RNF144A: variants seen among roughly 807,000 people sequenced by gnomAD.
RNF144A encodes the protein ring finger protein 144A.
RNF144A carries 11 observed loss-of-function variants against 38.7 expected under a neutral mutation model. That is an observed-to-expected ratio of 0.28 (90% CI 0.18 to 0.47). RNF144A has a LOEUF of 0.47. RNF144A is among the 20% of genes least tolerant of loss of function. The pLI, the probability that RNF144A is intolerant of heterozygous loss-of-function variation, is 0.99. For synonymous variants in RNF144A, 149 were observed against 143.9 expected, an observed-to-expected ratio of 1.04 and a Z score of -0.25; for missense variants, 316 against 377.2, an observed-to-expected ratio of 0.84 and a Z score of 1.34.
intron 6 of RNF144A, among the ~76,000 whole-genome samples, chr2:7,058,369 A>G (rs1222410442): frequency 6.6e-6 from 1 of 151,946 alleles, no homozygotes; most frequent in African/African-American, 2.4e-5. Flanking sequence ...AATTATCAGA[A>G]TGTTTTTAGC....
chr2:7,054,824 G>C (rs560784684), intron 6 of RNF144A, among the ~76,000 whole-genome samples: 1 of 152,220 alleles, frequency 6.6e-6, no homozygotes, highest in Non-Finnish European at 1.5e-5. Flanking sequence ...CCCAGTCTAA[G>C]GTATTTTGTT....
intron 3 of RNF144A, among the ~76,000 whole-genome samples, chr2:7,006,090 C>G (rs1302431183): frequency 6.6e-6 from 1 of 151,424 alleles, no homozygotes; most frequent in Non-Finnish European, 1.5e-5. Context: ...ATGCTCTGTC[C>G]CAGTCTAAAG....
At chr2:6,926,183 G>A (rs947473900) in intron 1 of RNF144A, among the ~76,000 whole-genome samples, 5 of 152,178 alleles carry the variant, frequency 3.3e-5, no homozygotes, top group Non-Finnish European at 4.4e-5. Flanking sequence ...CCACAGCTGC[G>A]CCACATCTGT....
rs1156631338 is a variant in RNF144A, at chr2:7,010,973, T to C, written c.136-3481T>C. 2.0e-5 allele frequency among the ~76,000 whole-genome samples: 3 copies of C among 152,126 alleles called. No individual in the cohort carries two copies. In the East Asian group the frequency reaches 5.8e-4, roughly 29 times the overall value. On this transcript the variant is annotated intron_variant, in intron 3 of 8. Coordinates refer to ENST00000320892, the MANE Select transcript of RNF144A (RefSeq NM_014746.6). ...CATTTGCAGCATTGCAAATGGATCA[T>C]TGCATTTGCAGCAGCATGAACATGA...
chr2:7,040,047 CTG>C lies in RNF144A; in HGVS notation c.*290_*291del, dbSNP rs760026622. 7 of 1,133,184 alleles carry C rather than the reference CTG, an allele frequency of 6.2e-6. No individual in the cohort carries two copies. The highest frequency in any genetic ancestry group is 7.6e-6 in the Non-Finnish European group (7 of 921,904). 70.2% of individuals were successfully genotyped at this position (1,133,184 alleles called of 1,614,324 possible). Reference sequence around the variant, plus strand: ...AGAAGTGCACCAGGCAGCTTTCTCTCTGTGGTAGACTAGGCATGTCTGGGGAT... The same window carrying C: ...AGAAGTGCACCAGGCAGCTTTCTCTCTGGTAGACTAGGCATGTCTGGGGAT... On this transcript the variant is annotated 3_prime_UTR_variant, in exon 9 of 9. Transcript: ENST00000320892.
At position 6,988,093 on chromosome 2, in the gene RNF144A, A is replaced by G. The variant is rs771263380; in HGVS notation, c.-11-8823A>G. 4.3e-4 allele frequency among the ~76,000 whole-genome samples: 65 copies of G among 152,220 alleles called. 1 individual carries two copies. Among genetic ancestry groups the G allele is most frequent in the Non-Finnish European group, 2.6e-4 (18 of 68,038 alleles). On this transcript the variant is annotated intron_variant, in intron 2 of 8. Transcript: ENST00000320892. ...TCGTGTCAAAGTGTTTCGTTTAAAA[A>G]TAAACTTTTATTTTAGGGCAGTTTA...
rs1666845391 is a variant in RNF144A, at chr2:6,954,038, TG to T, written c.-12+12893del. Among the ~76,000 whole-genome samples, 2 of 152,144 alleles carry T rather than the reference TG, an allele frequency of 1.3e-5. 1 individual carries two copies. The highest frequency in any genetic ancestry group is 4.1e-4 in the South Asian group (2 of 4,834). On this transcript the variant is annotated intron_variant, in intron 2 of 8. Transcript: ENST00000320892. Reference sequence around the variant, plus strand: ...GCCTGTTTTGTCGATAGCTTTCTTTTGGTTGGCATTTTTCTTGATCACTTTT... The same window carrying T: ...GCCTGTTTTGTCGATAGCTTTCTTTTGTTGGCATTTTTCTTGATCACTTTT...
chr2:6,939,098 C>G (rs1366820716), intron 1 of RNF144A, among the ~76,000 whole-genome samples: 1 of 152,036 alleles, frequency 6.6e-6, no homozygotes, highest in Non-Finnish European at 1.5e-5. Context: ...GGGTGTTTAC[C>G]TAGGTGTGGA....
At chr2:7,061,495 C>T (rs1361083465) in intron 6 of RNF144A, among the ~76,000 whole-genome samples, 2 of 151,870 alleles carry the variant, frequency 1.3e-5, no homozygotes, top group Non-Finnish European at 2.9e-5. Flanking sequence ...TTTTTAATTC[C>T]AAGATGAGCA....
At chr2:6,925,992 G>A (rs1276629112) in intron 1 of RNF144A, among the ~76,000 whole-genome samples, 7 of 152,208 alleles carry the variant, frequency 4.6e-5, no homozygotes, top group Admixed American at 2.0e-4. Context: ...CAGCAACATA[G>A]CACTTACTAA....
In RNF144A at chr2:7,042,898, G is replaced by A. The variant is rs1673133166; in HGVS notation, c.*3138G>A. The A allele has an allele frequency of 1.0e-6, 1 of 970,436 alleles. No homozygotes were observed. The highest frequency in any genetic ancestry group is 1.2e-6 in the Non-Finnish European group (1 of 816,682). The allele number at this position is 970,436 out of a possible 1,614,324, so 60.1% of individuals were successfully genotyped here. A position where few individuals can be genotyped will look rare whatever the true frequency, so the allele number is the denominator to read the frequency against. On this transcript the variant is annotated 3_prime_UTR_variant, in exon 9 of 9. Coordinates refer to ENST00000320892, the MANE Select transcript of RNF144A (RefSeq NM_014746.6). Reference sequence around the variant, plus strand: ...TTTTTTCTTTTTGAGACGGAGTTTCGCTTTTGTCCCCCAAGCTGGAGTACA... The same window carrying A: ...TTTTTTCTTTTTGAGACGGAGTTTCACTTTTGTCCCCCAAGCTGGAGTACA...
At chr2:7,069,000 C>T (rs1674349654), downstream of RNF144A, among the ~76,000 whole-genome samples, 1 of 152,212 alleles carries the variant, frequency 6.6e-6, no homozygotes, top group Admixed American at 6.5e-5. Flanking sequence ...TAGCTTTTGT[C>T]TGTGTTTCAC....
At chr2:6,977,631 C>G (rs1553336496) in intron 2 of RNF144A, among the ~76,000 whole-genome samples, 1 of 152,172 alleles carries the variant, frequency 6.6e-6, no homozygotes, top group Non-Finnish European at 1.5e-5. Flanking sequence ...AGCGGTAAAC[C>G]TTTTATTGCT....
Position 7,043,336 on chromosome 2 carries a change from A to G in RNF144A, c.*3576A>G, listed in dbSNP as rs1367675729. ...TGTTTTCATTTGTATTGCAAAAGTT[A>G]GAAGTCATTTTACAAATTAAAAAAA... On this transcript the variant is annotated 3_prime_UTR_variant, in exon 9 of 9. Coordinates refer to ENST00000320892, the MANE Select transcript of RNF144A (RefSeq NM_014746.6). The G allele has an allele frequency of 8.1e-6, 8 of 985,170 alleles. No homozygotes were observed. The highest frequency in any genetic ancestry group is 9.6e-6 in the Non-Finnish European group (8 of 829,774). 61.0% of individuals were successfully genotyped at this position (985,170 alleles called of 1,614,324 possible).
Position 7,020,528 on chromosome 2 carries a change from G to A in RNF144A, c.357G>A (p.Val119=). 6.2e-7 allele frequency: 1 copy of A among 1,613,786 alleles called. No homozygotes were observed. Residue 119 remains valine (V), a synonymous_variant, in exon 6 of 9, where the codon GTG becomes GTA. Transcript: ENST00000320892. ...TWCPASTCQA[V]CQLQDVGLQT... is the part of the protein sequence containing the mutation. ...GCCCGGCGTCCACCTGCCAAGCTGT[G>A]TGTCAGCTCCAGGACGTGGGGCTGC...
At chr2:7,030,303 G>GTA in intron 8 of RNF144A, 88 bp downstream of exon 8, 2 of 661,320 alleles carry the variant, frequency 3.0e-6, no homozygotes, top group Non-Finnish European at 2.4e-6. Context: ...GTGTGTGTGT[G>GTA]TGTATGTATA....
Position 7,043,967 on chromosome 2 carries a change from T to C in RNF144A, c.*4207T>C. The C allele has an allele frequency of 1.0e-6, 1 of 985,890 alleles. No individual in the cohort carries two copies. The highest frequency in any genetic ancestry group is 1.2e-6 in the Non-Finnish European group (1 of 829,902). The allele number at this position is 985,890 out of a possible 1,614,324, so 61.1% of individuals were successfully genotyped here. ...TTGATTTGTGTTTTTGAAATGTCAG[T>C]ACATTTTGTGCCACTAACACTGTGA... On this transcript the variant is annotated 3_prime_UTR_variant, in exon 9 of 9. Transcript: ENST00000320892.
At chr2:6,961,923 A>G (rs1338136885) in intron 2 of RNF144A, among the ~76,000 whole-genome samples, 1 of 152,222 alleles carries the variant, frequency 6.6e-6, no homozygotes, top group Non-Finnish European at 1.5e-5. Flanking sequence ...AATACATGTG[A>G]AATTGAAACA....
At position 7,039,725 on chromosome 2, in the gene RNF144A, T is replaced by G. The variant is rs759872373; in HGVS notation, c.844T>G (p.Cys282Gly). Residue 282 changes from cysteine to glycine, a missense_variant, in exon 9 of 9, where the codon TGC (cysteine) becomes GGC (glycine). Physicochemically the swap from Cys to Gly is radical, Grantham distance 159. Transcript: ENST00000320892. ...TPFVLCCKCK[C>G]SKGDDDPLPT is the part of the protein sequence containing the mutation. Reference sequence around the variant, plus strand: ...CTTTGTACTTTGCTGCAAGTGCAAGTGCAGTAAAGGTGACGACGACCCGTT... The same window carrying G: ...CTTTGTACTTTGCTGCAAGTGCAAGGGCAGTAAAGGTGACGACGACCCGTT... 5.0e-6 allele frequency: 8 copies of G among 1,613,900 alleles called. No individual in the cohort carries two copies. Among genetic ancestry groups the G allele is most frequent in the Non-Finnish European group, 5.9e-6 (7 of 1,180,008 alleles).
Sources: allele counts gnomAD v4.1 joint callset (sites outside exome capture counted in the v4.1 genomes callset), GRCh38; gene constraint gnomAD v4.1.1; transcripts MANE v1.5; gene names NCBI Gene and HGNC (gene_info 2026-07-23, HGNC 2026-07-21).